The following EDIL3 variants were observed in gnomAD, a reference collection of about 807,000 sequenced individuals.
The protein encoded by EDIL3 is EGF-like repeat and discoidin I-like domain-containing protein 3.
In EDIL3, 37 loss-of-function variants were observed where a neutral mutation model predicts 67.4. That is an observed-to-expected ratio of 0.55 (90% confidence interval 0.42 to 0.72). The LOEUF is 0.72. Ranked by LOEUF, EDIL3 falls within the 30% of genes least tolerant of loss-of-function variation. The pLI, the probability that EDIL3 is intolerant of heterozygous loss-of-function variation, is 0.00. For synonymous variants in EDIL3, 195 were observed against 196.3 expected, an observed-to-expected ratio of 0.99 and a Z score of 0.05; for missense variants, 527 against 586.3, an observed-to-expected ratio of 0.90 and a Z score of 1.04.
At chr5:84,070,606 AGTGT>A (rs35930293) in intron 6 of EDIL3, among the ~76,000 whole-genome samples, 7,034 of 144,666 alleles carry the variant, frequency 0.049, 191 homozygotes, top group African/African-American at 0.082. Context: ...TATGGTTAAG[AGTGT>A]GTGTGTGTGT....
intron 9 of EDIL3, among the ~76,000 whole-genome samples, chr5:84,045,151 A>T (rs1243097782): frequency 6.6e-6 from 1 of 152,158 alleles, no homozygotes; most frequent in Non-Finnish European, 1.5e-5. Context: ...AGACTTATTC[A>T]TTACCATGAG....
chr5:84,139,065 T>C (rs571663704), intron 4 of EDIL3, among the ~76,000 whole-genome samples: 64 of 152,054 alleles, frequency 4.2e-4, no homozygotes, highest in African/African-American at 1.3e-3. Context: ...TGGTGAAACC[T>C]TGTCTCTACT....
chr5:83,964,533 A>G (rs1176490742), intron 9 of EDIL3, among the ~76,000 whole-genome samples: 3 of 151,990 alleles, frequency 2.0e-5, no homozygotes, highest in African/African-American at 4.8e-5. Flanking sequence ...ATAGATAGTC[A>G]TGGGTCAGAT....
rs546352073 is a variant in EDIL3, at chr5:84,329,009, C to T, written c.67+55299G>A. 2.0e-4 allele frequency among the ~76,000 whole-genome samples: 30 copies of T among 152,238 alleles called. No individual in the cohort carries two copies. The South Asian group carries it at 3.7e-3, about 19-fold the overall frequency. ...AAGCAGCCCTGAATCTCTCCCACCA[C>T]TTAAACTTCATTATCTGCATATTAA... On this transcript the variant is annotated intron_variant, in intron 1 of 10. Transcript: ENST00000296591.
chr5:84,048,272 C>G (rs1298471971), intron 9 of EDIL3: 1 of 442,258 alleles, frequency 2.3e-6, no homozygotes, highest in Admixed American at 2.5e-5. Context: ...CTTTAGTTCT[C>G]CTGTAAATAA....
At chr5:84,254,419 T>C (rs1477735970) in intron 1 of EDIL3, among the ~76,000 whole-genome samples, 1 of 152,146 alleles carries the variant, frequency 6.6e-6, no homozygotes, top group Non-Finnish European at 1.5e-5. Flanking sequence ...AACTGCATAA[T>C]TCAAACACTG....
intron 1 of EDIL3, among the ~76,000 whole-genome samples, chr5:84,300,914 A>T (rs540837054): frequency 6.8e-6 from 1 of 147,292 alleles, no homozygotes; most frequent in African/African-American, 2.5e-5. Flanking sequence ...AGCCAAATAT[A>T]CATGCACACA....
At chr5:84,371,341 A>ATATATATATATATATATATATG (rs1008172581) in intron 1 of EDIL3, among the ~76,000 whole-genome samples, 25 of 129,692 alleles carry the variant, frequency 1.9e-4, no homozygotes, top group Admixed American at 8.2e-5. Flanking sequence ...ATATATATAT[A>ATATATATATATATATATATATG]TGTGTGTGTG....
chr5:83,974,378 G>C (rs763966066), intron 9 of EDIL3, among the ~76,000 whole-genome samples: 9 of 151,782 alleles, frequency 5.9e-5, no homozygotes, highest in African/African-American at 9.7e-5. Flanking sequence ...AGATTGGAGG[G>C]GAGAGAAGAG....
At chr5:84,332,867 GA>G (rs1746903103) in intron 1 of EDIL3, among the ~76,000 whole-genome samples, 1 of 152,180 alleles carries the variant, frequency 6.6e-6, no homozygotes, top group African/African-American at 2.4e-5. Context: ...GTCCCCACTT[GA>G]AAATCAAATA....
chr5:84,252,912 A>G (rs970836512), intron 2 of EDIL3, among the ~76,000 whole-genome samples: 2 of 152,210 alleles, frequency 1.3e-5, no homozygotes, highest in Non-Finnish European at 2.9e-5. Flanking sequence ...AAGATGAATT[A>G]AATGAACAAA....
At chr5:83,970,643 G>GTATATA (rs70975530) in intron 9 of EDIL3, among the ~76,000 whole-genome samples, 2,059 of 115,624 alleles carry the variant, frequency 0.018, 43 homozygotes, top group African/African-American at 0.055. Flanking sequence ...TAGGATCACA[G>GTATATA]TATATATATA....
intron 9 of EDIL3, among the ~76,000 whole-genome samples, chr5:84,001,264 G>T (rs1285373869): frequency 1.3e-5 from 2 of 152,064 alleles, no homozygotes; most frequent in Admixed American, 1.3e-4. Context: ...GGCCCAGCTG[G>T]TCTCAAACTT....
chr5:84,012,059 G>T (rs1467598051), intron 9 of EDIL3, among the ~76,000 whole-genome samples: 1 of 152,076 alleles, frequency 6.6e-6, no homozygotes, highest in East Asian at 1.9e-4. Flanking sequence ...TTGTTACATG[G>T]AATGTGCTCA....
chr5:84,193,309 A>G (rs1743629773), intron 3 of EDIL3, among the ~76,000 whole-genome samples: 1 of 151,896 alleles, frequency 6.6e-6, no homozygotes, highest in South Asian at 2.1e-4. Context: ...TATGGATGGA[A>G]GTGGACAGAT....
chr5:84,234,219 C>G (rs1744636197), intron 2 of EDIL3, among the ~76,000 whole-genome samples: 1 of 152,176 alleles, frequency 6.6e-6, no homozygotes, highest in African/African-American at 2.4e-5. Context: ...TTCCAGGGAG[C>G]TTACCACCAT....
intron 7 of EDIL3, among the ~76,000 whole-genome samples, chr5:84,066,237 A>G (rs1321426361): frequency 6.6e-6 from 1 of 152,124 alleles, no homozygotes; most frequent in Non-Finnish European, 1.5e-5. Flanking sequence ...AGCACCACCA[A>G]TTAAAATCTG....
intron 1 of EDIL3, among the ~76,000 whole-genome samples, chr5:84,256,113 C>CT (rs1236030182): frequency 8.3e-5 from 8 of 96,662 alleles, no homozygotes; most frequent in Admixed American, 3.8e-4. Context: ...ATATACTTAT[C>CT]ATCTAACTAT....
intron 10 of EDIL3, 111 bp downstream of exon 10, chr5:83,963,094 T>C: frequency 7.8e-7 from 1 of 1,279,368 alleles, no homozygotes; most frequent in Non-Finnish European, 1.0e-6. Context: ...ATATTTTCAG[T>C]ATATATGGAT....
Sources: allele counts gnomAD v4.1 joint callset (sites outside exome capture counted in the v4.1 genomes callset), GRCh38; gene constraint gnomAD v4.1.1; transcripts MANE v1.5; gene names NCBI Gene and HGNC (gene_info 2026-07-23, HGNC 2026-07-21).